Variants in NDUFB6 observed in about 807,000 individuals in gnomAD.
NDUFB6 encodes NADH:ubiquinone oxidoreductase subunit B6.
Under a neutral mutation model 17.5 loss-of-function variants are expected in NDUFB6, and 23 were observed. The ratio of observed to expected loss-of-function variants is 1.31; its 90% confidence interval spans 0.94 to 1.86. The LOEUF is 1.86. NDUFB6 is among the 40% of genes most tolerant of loss of function. The pLI, the probability that NDUFB6 is intolerant of heterozygous loss-of-function variation, is 0.00. For synonymous variants in NDUFB6, 60 were observed against 53.5 expected (o/e 1.12, Z -0.53); for missense variants, 167 against 153.8 (o/e 1.09, Z -0.46).
chr9:32,571,108 C>T (rs1038402787), intron 1 of NDUFB6, 56 bp from the exon 2 acceptor site: 1 of 1,242,268 alleles, frequency 8.0e-7, no homozygotes, highest in Non-Finnish European at 1.1e-6. Flanking sequence ...ATATTTATGG[C>T]AGAACAAAAG....
intron 1 of NDUFB6, among the ~76,000 whole-genome samples, chr9:32,572,055 A>C (rs1002045664): frequency 1.3e-5 from 2 of 152,224 alleles, no homozygotes; most frequent in Non-Finnish European, 2.9e-5. Flanking sequence ...ATTTAAAATG[A>C]GGATTAGGAA....
chr9:32,557,177 T>C (rs1821484875), intron 3 of NDUFB6, among the ~76,000 whole-genome samples: 1 of 136,222 alleles, frequency 7.3e-6, no homozygotes, highest in Non-Finnish European at 1.6e-5. Flanking sequence ...TTTTTTTTTT[T>C]TTCCCGAGAC....
At chr9:32,572,389 G>A (rs1283038506) in intron 1 of NDUFB6, among the ~76,000 whole-genome samples, 1 of 152,136 alleles carries the variant, frequency 6.6e-6, no homozygotes, top group Non-Finnish European at 1.5e-5. Context: ...TGACTCACAA[G>A]GCATACCAAC....
chr9:32,556,448 G>A (rs1185273818), intron 3 of NDUFB6, among the ~76,000 whole-genome samples: 2 of 152,226 alleles, frequency 1.3e-5, no homozygotes, highest in African/African-American at 4.8e-5. Flanking sequence ...ATTCACAGTA[G>A]TCTGTGATGT....
At chr9:32,569,393 T>A (rs1055511908) in intron 2 of NDUFB6, among the ~76,000 whole-genome samples, 8 of 151,930 alleles carry the variant, frequency 5.3e-5, no homozygotes, top group African/African-American at 1.7e-4. Context: ...TCATTTTTTT[T>A]ATTTTTAGTA....
At chr9:32,564,550 A>C (rs1425859712) in intron 2 of NDUFB6, among the ~76,000 whole-genome samples, 1 of 152,212 alleles carries the variant, frequency 6.6e-6, no homozygotes, top group Non-Finnish European at 1.5e-5. Context: ...TCATTAAATA[A>C]ATGCCCATTT....
intron 2 of NDUFB6, chr9:32,567,200 C>G (rs984897920): frequency 2.1e-6 from 1 of 474,814 alleles, no homozygotes; most frequent in Non-Finnish European, 4.4e-6. Flanking sequence ...CTGGTCCAGG[C>G]CCCAGTCACA....
chr9:32,570,371 C>T (rs1448296309), intron 2 of NDUFB6, among the ~76,000 whole-genome samples: 1 of 152,168 alleles, frequency 6.6e-6, no homozygotes, highest in Non-Finnish European at 1.5e-5. Context: ...CCCTCTGCCA[C>T]GCCACTTCCC....
At position 32,566,878 on chromosome 9, in the gene NDUFB6, G is replaced by A. The variant is rs533837697; in HGVS notation, c.273+4082C>T. 336 of 637,190 alleles carry A rather than the reference G, an allele frequency of 5.3e-4. 1 individual carries two copies. In the African/African-American group the frequency reaches 5.5e-3, roughly 10 times the overall value. The allele number at this position is 637,190 out of a possible 1,614,324, so 39.5% of individuals were successfully genotyped here. ...GGCGGCCTGGATGAGCCACGCGTGC[G>A]GCTGGCGAAAAGCACTGAGGAAGCA... On this transcript the variant is annotated intron_variant, in intron 2 of 3. Coordinates refer to ENST00000379847, the MANE Select transcript of NDUFB6 (RefSeq NM_002493.5).
At chr9:32,572,749 G>A (rs1821970456) in intron 1 of NDUFB6, 132 bp downstream of exon 1, 2 of 753,840 alleles carry the variant, frequency 2.7e-6, no homozygotes, top group Non-Finnish European at 4.0e-6. Flanking sequence ...GAGGACTCTC[G>A]GGACTGGCCA....
chr9:32,568,099 A>C (rs529247401), intron 2 of NDUFB6: 5 of 167,582 alleles, frequency 3.0e-5, no homozygotes, highest in African/African-American at 9.6e-5. Context: ...TAGGCAAAGA[A>C]AATGGAAAAT....
Position 32,558,963 on chromosome 9 carries a change from A to ATT in NDUFB6, c.274-10_274-9insAA, listed in dbSNP as rs1315640210. Reference sequence around the variant, plus strand: ...ATGCCATATGGTTTTTCCTGTAATAAAAGTTAACTCTGTGTTAATTATGGT... The same window carrying ATT: ...ATGCCATATGGTTTTTCCTGTAATAATTAAGTTAACTCTGTGTTAATTATGGT... On this transcript the variant is annotated splice_polypyrimidine_tract_variant and intron_variant, in intron 2 of 3. Transcript: ENST00000379847. 7.0e-6 allele frequency: 11 copies of ATT among 1,572,976 alleles called. No individual in the cohort carries two copies. Among genetic ancestry groups the ATT allele is most frequent in the Non-Finnish European group, 9.6e-6 (11 of 1,146,178 alleles).
At position 32,553,768 on chromosome 9, in the gene NDUFB6, A is replaced by G. The variant is rs1821373236; in HGVS notation, c.*108T>C. 3 of 754,712 alleles carry G rather than the reference A, an allele frequency of 4.0e-6. No homozygotes were observed. The highest frequency in any genetic ancestry group is 6.8e-6 in the Non-Finnish European group (3 of 441,664). 46.8% of individuals were successfully genotyped at this position (754,712 alleles called of 1,614,324 possible). On this transcript the variant is annotated 3_prime_UTR_variant, in exon 4 of 4. Transcript: ENST00000379847. Reference sequence around the variant, plus strand: ...ACAATGCTTGAAAACAGATATGACAATTTCTGAGATTAAACTTTATTAAAG... The same window carrying G: ...ACAATGCTTGAAAACAGATATGACAGTTTCTGAGATTAAACTTTATTAAAG...
rs187095877 is a variant in NDUFB6 at position 32,568,459 on chromosome 9, G to T, written c.273+2501C>A. 2.6e-4 allele frequency: 59 copies of T among 228,812 alleles called. No individual in the cohort carries two copies. The East Asian group carries it at 6.8e-3, about 27-fold the overall frequency. 14.2% of individuals were successfully genotyped at this position (228,812 alleles called of 1,614,324 possible). On this transcript the variant is annotated intron_variant, in intron 2 of 3. Transcript: ENST00000379847. ...TGAACATTGTTGAAATGACAACAAA[G>T]AATTTCGAATATTACATAATCTTAG...
chr9:32,555,279 T>A (rs1821426164), intron 3 of NDUFB6, among the ~76,000 whole-genome samples: 1 of 152,154 alleles, frequency 6.6e-6, no homozygotes, highest in African/African-American at 2.4e-5. Context: ...CCTTGTGGTA[T>A]TGAAAAATCA....
At chr9:32,570,132 G>C (rs555148454) in intron 2 of NDUFB6, among the ~76,000 whole-genome samples, 1 of 152,188 alleles carries the variant, frequency 6.6e-6, no homozygotes, top group African/African-American at 2.4e-5. Context: ...CTTGCTCTGA[G>C]TTACCACTTG....
At chr9:32,564,684 G>A (rs759360186) in intron 2 of NDUFB6, among the ~76,000 whole-genome samples, 6 of 151,992 alleles carry the variant, frequency 3.9e-5, no homozygotes, top group Non-Finnish European at 8.8e-5. Context: ...GATTGTCTCT[G>A]CGCACTCACC....
intron 1 of NDUFB6, 55 bp downstream of exon 1, chr9:32,572,826 G>A: frequency 5.5e-6 from 8 of 1,463,428 alleles, no homozygotes; most frequent in Non-Finnish European, 7.3e-6. Context: ...TCAGTGTTCA[G>A]GCTGCCGGCA....
chr9:32,572,856 G>C (rs566714976), intron 1 of NDUFB6, 25 bp downstream of exon 1: 1 of 1,531,746 alleles, frequency 6.5e-7, no homozygotes, highest in South Asian at 1.2e-5. Context: ...TGTGTTGGGG[G>C]GGACCGGAGA....
Sources: allele counts gnomAD v4.1 joint callset (sites outside exome capture counted in the v4.1 genomes callset), GRCh38; gene constraint gnomAD v4.1.1; transcripts MANE v1.5; gene names NCBI Gene and HGNC (gene_info 2026-07-23, HGNC 2026-07-21).